SPATC1: variants seen among roughly 807,000 people sequenced by gnomAD.
The protein encoded by SPATC1 is spermatogenesis and centriole associated 1.
SPATC1 carries 35 observed loss-of-function variants against 36.5 expected under a neutral mutation model. The observed-to-expected ratio is 0.96, with a 90% CI of 0.73 to 1.27. SPATC1 has a LOEUF of 1.27. SPATC1 is among the 50% of genes most tolerant of loss of function. The pLI, the probability that SPATC1 is intolerant of heterozygous loss-of-function variation, is 0.00. For missense variants in SPATC1, 779 were observed against 796.0 expected (o/e 0.98, Z 0.26); for synonymous variants, 361 against 353.6 (o/e 1.02, Z -0.24).
chr8:144,042,103 C>G (rs1251399967), intron 4 of SPATC1: 30 of 710,900 alleles, frequency 4.2e-5, no homozygotes, highest in Non-Finnish European at 5.0e-5. Context: ...AGTGTATGTA[C>G]CCAGCTCACT....
At chr8:144,024,639 T>A (rs940310480) in intron 1 of SPATC1, among the ~76,000 whole-genome samples, 11 of 148,832 alleles carry the variant, frequency 7.4e-5, no homozygotes, top group African/African-American at 2.5e-4. Context: ...CTCAGGACCT[T>A]CCCCTTCATG....
intron 3 of SPATC1, 38 bp downstream of exon 3, chr8:144,041,145 C>T (rs1554755978): frequency 1.3e-6 from 2 of 1,588,190 alleles, no homozygotes; most frequent in South Asian, 2.3e-5. Flanking sequence ...GTCGGGCCCC[C>T]AGGCCCTCTC....
intron 1 of SPATC1, among the ~76,000 whole-genome samples, chr8:144,024,242 G>T (rs1834625108): frequency 8.4e-6 from 1 of 118,710 alleles, no homozygotes; most frequent in South Asian, 2.9e-4. Context: ...TCCCCTCCAG[G>T]CCCTCTCCCT....
At chr8:144,040,536 T>A (rs568573133) in intron 2 of SPATC1, 32 bp from the exon 3 acceptor site, 2 of 1,560,644 alleles carry the variant, frequency 1.3e-6, no homozygotes, top group Non-Finnish European at 1.7e-6. Flanking sequence ...CTAATCCCCC[T>A]TTTTTTATTT....
At position 144,041,036 on chromosome 8, in the gene SPATC1, C is replaced by A. The variant is rs566474188; in HGVS notation, c.1235C>A (p.Thr412Lys). The change falls in exon 3 of 5, where the codon ACG becomes AAG. Residue 412 changes from threonine (T) to lysine (K), a missense_variant. Transcript: ENST00000377470. Reference sequence around the variant, plus strand: ...GGTCCACGCACCACAGAACCGTCGACGAAGAGCATGATGGAGGTGGAACGG... The same window carrying A: ...GGTCCACGCACCACAGAACCGTCGAAGAAGAGCATGATGGAGGTGGAACGG... The part of the protein sequence containing the change: ...SRGPRTTEPS[T>K]KSMMEVERKL... 6.2e-7 allele frequency: 1 copy of A among 1,610,418 alleles called. No homozygotes were observed. The highest frequency in any genetic ancestry group is 8.5e-7 in the Non-Finnish European group (1 of 1,178,884).
chr8:144,045,343 G>A lies in SPATC1; in HGVS notation c.1447-1284G>A, dbSNP rs1835231133. Reference sequence around the variant, plus strand: ...AACAGGGGTGCTGAGCGCAGGCTCTGGGAGCACTTAGCAGAGGTTGACGTC... The same window carrying A: ...AACAGGGGTGCTGAGCGCAGGCTCTAGGAGCACTTAGCAGAGGTTGACGTC... On this transcript the variant is annotated intron_variant, in intron 4 of 4. Coordinates refer to ENST00000377470, the MANE Select transcript of SPATC1 (RefSeq NM_198572.3). The surrounding 1 kb of genome is among the most constrained non-coding windows in gnomAD (Gnocchi z 5.2). 6.6e-6 allele frequency among the ~76,000 whole-genome samples: 1 copy of A among 152,248 alleles called. No individual in the cohort carries two copies. The highest frequency in any genetic ancestry group is 2.1e-4 in the South Asian group (1 of 4,834).
At position 144,040,036 on chromosome 8, in the gene SPATC1, C is replaced by T. The variant is rs782510440; in HGVS notation, c.339C>T (p.Leu113=). ...SLQPSATPGS[L]MSPLTGTLST... is the part of the protein sequence containing the mutation. The stretch of plus-strand genomic sequence containing the variant: ...AGCCCAGCGCCACACCGGGCTCACT[C>T]ATGAGCCCCCTGACAGGCACCCTCA... Residue 113 remains leucine, a synonymous_variant, in exon 2 of 5, where the codon CTC becomes CTT. Transcript: ENST00000377470. The T allele has an allele frequency of 6.2e-7, 1 of 1,613,792 alleles. No individual in the cohort carries two copies. Among genetic ancestry groups the T allele is most frequent in the Non-Finnish European group, 8.5e-7 (1 of 1,180,002 alleles).
At chr8:144,032,370 C>T (rs1049778979) in intron 1 of SPATC1, among the ~76,000 whole-genome samples, 6 of 152,114 alleles carry the variant, frequency 3.9e-5, no homozygotes, top group South Asian at 2.1e-4. Context: ...CTCCGCCTTT[C>T]GGGTTCACAC....
At chr8:144,033,678 T>C (rs1003400191) in intron 1 of SPATC1, among the ~76,000 whole-genome samples, 126 of 152,274 alleles carry the variant, frequency 8.3e-4, no homozygotes, top group African/African-American at 2.9e-3. Flanking sequence ...TCCTTACCCA[T>C]GGGCAGTGAA....
chr8:144,021,303 TCTTCC>T (rs1834528383), intron 1 of SPATC1, among the ~76,000 whole-genome samples: 10 of 131,164 alleles, frequency 7.6e-5, no homozygotes, highest in East Asian at 4.3e-4. Context: ...CTCAGGACCC[TCTTCC>T]CTCATGACCC....
rs199994454 is a variant in SPATC1 at position 144,041,097 on chromosome 8, G to C, written c.1296G>C (p.Glu432Asp). The C allele has an allele frequency of 6.3e-7, 1 of 1,580,796 alleles. No individual in the cohort carries two copies. The highest frequency in any genetic ancestry group is 1.8e-5 in the Admixed American group (1 of 56,942). Residue 432 changes from glutamate to aspartate, a missense_variant, in exon 3 of 5, where the codon GAG (glutamate) becomes GAC (aspartate). Physicochemically the swap from Glu to Asp is conservative, Grantham distance 45. Transcript: ENST00000377470. ...ACCGCAAGACCAGCAAGTTCCCCGA[G>C]AACCCCCGAGGTCAGTGACACTGCG... ...LAHRKTSKFP[E>D]NPRESKQLAW...
chr8:144,044,453 C>T (rs1835203670), intron 4 of SPATC1, among the ~76,000 whole-genome samples: 1 of 150,800 alleles, frequency 6.6e-6, no homozygotes, highest in Non-Finnish European at 1.5e-5. Flanking sequence ...AGGCGCCCGC[C>T]ACCACGCCCA....
chr8:144,019,371 G>T (rs1834458197), intron 1 of SPATC1, among the ~76,000 whole-genome samples: 1 of 152,226 alleles, frequency 6.6e-6, no homozygotes, highest in African/African-American at 2.4e-5. Flanking sequence ...CAGAGACCAG[G>T]TGGCCAGAGT....
At chr8:144,034,579 C>T (rs1437864164) in intron 1 of SPATC1, among the ~76,000 whole-genome samples, 2 of 152,006 alleles carry the variant, frequency 1.3e-5, no homozygotes, top group East Asian at 1.9e-4. Context: ...GAGTATTTAC[C>T]CACCTCTTTT....
intron 1 of SPATC1, among the ~76,000 whole-genome samples, chr8:144,013,714 G>A (rs192591620): frequency 2.6e-5 from 4 of 152,308 alleles, no homozygotes; most frequent in Non-Finnish European, 5.9e-5. Flanking sequence ...CCAGCACTTT[G>A]GGAAGCTGAG....
intron 1 of SPATC1, among the ~76,000 whole-genome samples, chr8:144,037,022 G>A (rs1834912271): frequency 6.6e-6 from 1 of 151,156 alleles, no homozygotes; most frequent in African/African-American, 2.4e-5. Flanking sequence ...CACCACCTTT[G>A]TACACAGCCT....
intron 1 of SPATC1, among the ~76,000 whole-genome samples, chr8:144,021,329 T>G (rs1488412015): frequency 1.8e-3 from 6 of 3,276 alleles, no homozygotes; most frequent in Admixed American, 2.6e-3. Context: ...TCTGCCCTCA[T>G]GACCCAGTTT....
At chr8:144,036,842 T>C (rs1013504290) in intron 1 of SPATC1, among the ~76,000 whole-genome samples, 30 of 151,896 alleles carry the variant, frequency 2.0e-4, no homozygotes, top group African/African-American at 6.5e-4. Flanking sequence ...CGGGAATCGA[T>C]TGAAATGCCC....
Position 144,041,364 on chromosome 8 carries a change from T to C in SPATC1, c.1439T>C (p.Ile480Thr). ...ACTGTCTCCAACATCCCAGAGAAGA[T>C]CATCCAGGTGTGCGGCCAGGGGTCC... ...GFTVSNIPEK[I>T]IQASLNPSDH... The change falls in exon 4 of 5, where the codon ATC (isoleucine) becomes ACC (threonine). Residue 480 changes from isoleucine to threonine, a missense_variant. Physicochemically the swap from Ile to Thr is moderately conservative, Grantham distance 89. Transcript: ENST00000377470. 1 of 1,609,266 alleles carries C rather than the reference T, an allele frequency of 6.2e-7. No homozygotes were observed. The highest frequency in any genetic ancestry group is 8.5e-7 in the Non-Finnish European group (1 of 1,179,916).
Sources: allele counts gnomAD v4.1 joint callset (sites outside exome capture counted in the v4.1 genomes callset), GRCh38; gene constraint gnomAD v4.1.1; non-coding constraint Gnocchi (gnomAD v3.1); transcripts MANE v1.5; gene names NCBI Gene and HGNC (gene_info 2026-07-23, HGNC 2026-07-21).